ZCCHC7: variants seen among roughly 807,000 people sequenced by gnomAD.
The protein encoded by ZCCHC7 is zinc finger CCHC domain-containing protein 7.
ZCCHC7 carries 35 observed loss-of-function variants against 52.0 expected under a neutral mutation model. That is an observed-to-expected ratio of 0.67 (90% CI 0.51 to 0.89). The LOEUF is 0.89. Among genes scored for constraint, ZCCHC7 ranks in the 40% least tolerant of loss-of-function variants. ZCCHC7 has a pLI of 0.00. For synonymous variants in ZCCHC7, 217 were observed against 221.5 expected, an observed-to-expected ratio of 0.98 and a Z score of 0.18; for missense variants, 574 against 649.1, an observed-to-expected ratio of 0.88 and a Z score of 1.26.
chr9:37,255,138 TTTAAA>T (rs1292241762), intron 2 of ZCCHC7, among the ~76,000 whole-genome samples: 2 of 151,974 alleles, frequency 1.3e-5, no homozygotes, highest in African/African-American at 4.8e-5. Context: ...TATGATAAAG[TTTAAA>T]TTATAAATTA....
rs562725793 is a variant in ZCCHC7 at position 37,289,558 on chromosome 9, G to T, written c.611-12630G>T. On this transcript the variant is annotated intron_variant, in intron 2 of 8. Coordinates refer to ENST00000336755, the MANE Select transcript of ZCCHC7 (RefSeq NM_032226.3). ...TACCCACTACTCCACCCTGGTCAGA[G>T]GTACTATCTTTTTTGGACTGAATTA... 2.2e-4 allele frequency among the ~76,000 whole-genome samples: 34 copies of T among 152,178 alleles called. No homozygotes were observed. The Middle Eastern group carries it at 0.014, about 61-fold the overall frequency.
intron 5 of ZCCHC7, among the ~76,000 whole-genome samples, chr9:37,306,289 G>A (rs926028363): frequency 6.6e-6 from 1 of 151,546 alleles, no homozygotes; most frequent in African/African-American, 2.4e-5. Context: ...TGCTGGTCTC[G>A]AACTCCTGAC....
At chr9:37,153,159 TATTG>T (rs141538496) in intron 2 of ZCCHC7, among the ~76,000 whole-genome samples, 7,794 of 151,692 alleles carry the variant, frequency 0.051, 635 homozygotes, top group African/African-American at 0.18. Flanking sequence ...TTACTATTAT[TATTG>T]ATTGATTGAT....
At chr9:37,199,031 A>G (rs781123100) in intron 2 of ZCCHC7, among the ~76,000 whole-genome samples, 2 of 151,786 alleles carry the variant, frequency 1.3e-5, no homozygotes, top group African/African-American at 2.4e-5. Context: ...CTCCTTTTCT[A>G]TTGCTTCCTA....
At chr9:37,123,246 A>G (rs1175609417) in intron 1 of ZCCHC7, among the ~76,000 whole-genome samples, 2 of 151,546 alleles carry the variant, frequency 1.3e-5, no homozygotes, top group Non-Finnish European at 2.9e-5. Context: ...TGTGTGTAAA[A>G]AACATATATT....
chr9:37,189,447 C>T (rs891192470), intron 2 of ZCCHC7, among the ~76,000 whole-genome samples: 48 of 152,146 alleles, frequency 3.2e-4, no homozygotes, highest in African/African-American at 7.0e-4. Context: ...AGTGCAACAG[C>T]GTGGTCTCGG....
chr9:37,303,569 A>C (rs1829142449), intron 3 of ZCCHC7, among the ~76,000 whole-genome samples: 1 of 151,386 alleles, frequency 6.6e-6, no homozygotes, highest in Non-Finnish European at 1.5e-5. Flanking sequence ...TCACATGGAG[A>C]AGTATAAAAG....
chr9:37,193,686 A>G (rs1313051112), intron 2 of ZCCHC7, among the ~76,000 whole-genome samples: 1 of 152,074 alleles, frequency 6.6e-6, no homozygotes, highest in Non-Finnish European at 1.5e-5. Context: ...TTCATGTACA[A>G]TTTTATATGA....
At chr9:37,284,042 C>G (rs1003606746) in intron 2 of ZCCHC7, 1 of 151,814 alleles carries the variant, frequency 6.6e-6, no homozygotes, top group Admixed American at 6.6e-5. Context: ...ATCAGCAGTT[C>G]GAGAAGGAAA....
chr9:37,282,872 CT>C (rs58619243), intron 2 of ZCCHC7, among the ~76,000 whole-genome samples: 3,877 of 78,134 alleles, frequency 0.05, 234 homozygotes, highest in African/African-American at 0.15. Flanking sequence ...AGACCTGAAT[CT>C]TTTTTTTTTT....
At chr9:37,210,808 T>C (rs932041572) in intron 2 of ZCCHC7, among the ~76,000 whole-genome samples, 5 of 152,244 alleles carry the variant, frequency 3.3e-5, no homozygotes, top group African/African-American at 1.2e-4. Flanking sequence ...CCTCAACCTT[T>C]AGGCTTTAAT....
At chr9:37,276,038 A>G (rs1827669278) in intron 2 of ZCCHC7, among the ~76,000 whole-genome samples, 1 of 152,342 alleles carries the variant, frequency 6.6e-6, no homozygotes, top group African/African-American at 2.4e-5. Flanking sequence ...CCTTGCGAAC[A>G]CATGATATTG....
intron 2 of ZCCHC7, among the ~76,000 whole-genome samples, chr9:37,140,748 C>T (rs1167413681): frequency 2.0e-5 from 3 of 151,846 alleles, no homozygotes; most frequent in East Asian, 1.9e-4. Context: ...ATTATGTACC[C>T]GGTAGTCAGA....
At chr9:37,288,433 T>C (rs1200300990) in intron 2 of ZCCHC7, among the ~76,000 whole-genome samples, 1 of 151,624 alleles carries the variant, frequency 6.6e-6, no homozygotes, top group Non-Finnish European at 1.5e-5. Flanking sequence ...CTTCCTTCTA[T>C]ACCAAGTCAT....
chr9:37,190,511 C>G, intron 2 of ZCCHC7, among the ~76,000 whole-genome samples: 1 of 152,104 alleles, frequency 6.6e-6, no homozygotes, highest in Non-Finnish European at 1.5e-5. Flanking sequence ...ATTTTATTCC[C>G]CAGTCTGCCT....
At chr9:37,126,201 A>G (rs1842530182) in intron 1 of ZCCHC7, 111 bp from the exon 2 acceptor site, 12 of 1,072,610 alleles carry the variant, frequency 1.1e-5, no homozygotes, top group Non-Finnish European at 1.6e-5. Flanking sequence ...ATGTCTGAGA[A>G]TAGTGATGGC....
chr9:37,356,375 T>C (rs769657392), intron 8 of ZCCHC7, among the ~76,000 whole-genome samples: 21 of 152,250 alleles, frequency 1.4e-4, no homozygotes, highest in Non-Finnish European at 2.5e-4. Context: ...GAATAATCTC[T>C]TGGGCAGTTT....
intron 2 of ZCCHC7, among the ~76,000 whole-genome samples, chr9:37,182,427 C>T (rs974267751): frequency 1.3e-5 from 2 of 151,162 alleles, no homozygotes; most frequent in African/African-American, 2.4e-5. Context: ...GTCACCTAGG[C>T]GATCTTGGCT....
chr9:37,214,586 C>T (rs577893994), intron 2 of ZCCHC7, among the ~76,000 whole-genome samples: 33 of 152,022 alleles, frequency 2.2e-4, no homozygotes, highest in Non-Finnish European at 4.7e-4. Flanking sequence ...AGTAACAATG[C>T]CTCTGTGCTC....
Sources: allele counts gnomAD v4.1 joint callset (sites outside exome capture counted in the v4.1 genomes callset), GRCh38; gene constraint gnomAD v4.1.1; transcripts MANE v1.5; gene names NCBI Gene and HGNC (gene_info 2026-07-23, HGNC 2026-07-21).